Variants in SNTG2 observed in about 807,000 individuals in gnomAD.
The protein encoded by SNTG2 is gamma-2-syntrophin.
SNTG2 carries 74 observed loss-of-function variants against 70.9 expected under a neutral mutation model. The observed-to-expected ratio is 1.04, with a 90% CI of 0.86 to 1.27. The LOEUF (loss-of-function observed/expected upper bound fraction) is 1.27. Among genes scored for constraint, SNTG2 ranks in the 50% most tolerant of loss-of-function variants. SNTG2 has a pLI of 0.00. For synonymous variants in SNTG2, 278 were observed against 273.8 expected (o/e 1.02, Z -0.15); for missense variants, 717 against 690.7 (o/e 1.04, Z -0.43).
At chr2:992,904 A>G (rs1259064422) in intron 1 of SNTG2, among the ~76,000 whole-genome samples, 1 of 151,628 alleles carries the variant, frequency 6.6e-6, no homozygotes, top group African/African-American at 2.4e-5. Flanking sequence ...CAATTTAAGA[A>G]CTCTTTAGCA....
chr2:1,041,134 C>T (rs557331030), intron 1 of SNTG2, among the ~76,000 whole-genome samples: 3 of 152,254 alleles, frequency 2.0e-5, no homozygotes, highest in South Asian at 2.1e-4. Flanking sequence ...CTTTCTAGGG[C>T]GAATTCTCAC....
At chr2:1,233,885 G>A (rs1032888265) in intron 9 of SNTG2, among the ~76,000 whole-genome samples, 4 of 152,046 alleles carry the variant, frequency 2.6e-5, no homozygotes, top group Admixed American at 6.5e-5. Context: ...TCTGGGAGCT[G>A]GTTTGGTTTC....
At chr2:1,333,555 A>T (rs1339229987) in intron 16 of SNTG2, among the ~76,000 whole-genome samples, 3 of 152,210 alleles carry the variant, frequency 2.0e-5, no homozygotes, top group Non-Finnish European at 4.4e-5. Flanking sequence ...AGAAGGCTAT[A>T]GTCACCAAAA....
In SNTG2 at chr2:1,149,217, G is replaced by GACACACACACAC. The variant is rs142450306; in HGVS notation, c.411+11409_411+11420dup. Among the ~76,000 whole-genome samples, 395 of 149,040 alleles carry GACACACACACAC rather than the reference G, an allele frequency of 2.7e-3. 8 individuals carry two copies. In the South Asian group the frequency reaches 0.04, roughly 15 times the overall value. On this transcript the variant is annotated intron_variant, in intron 6 of 16. Transcript: ENST00000308624. ...CGTGTGTGTGTGTGTGTGAGAGAGAGACACACACACACGGGGAGCAGTGAG... is the reference window on the plus strand; with the variant it reads ...CGTGTGTGTGTGTGTGTGAGAGAGAGACACACACACACACACACACACACGGGGAGCAGTGAG...
intron 1 of SNTG2, among the ~76,000 whole-genome samples, chr2:1,006,312 TAAAA>T (rs554375122): frequency 4.0e-5 from 6 of 150,640 alleles, no homozygotes; most frequent in Admixed American, 2.6e-4. Context: ...AAGGTATAAT[TAAAA>T]AAAAGAAAAA....
intron 1 of SNTG2, among the ~76,000 whole-genome samples, chr2:957,209 A>T (rs1660193505): frequency 1.3e-5 from 2 of 152,218 alleles, no homozygotes; most frequent in South Asian, 4.1e-4. Flanking sequence ...TCTTGAAAGA[A>T]ATCCAAGTCT....
chr2:1,102,869 C>T (rs560768379), intron 4 of SNTG2, among the ~76,000 whole-genome samples: 57 of 152,252 alleles, frequency 3.7e-4, no homozygotes, highest in Non-Finnish European at 7.6e-4. Flanking sequence ...CGAGTGGAGC[C>T]AGGCAGCCCA....
intron 8 of SNTG2, among the ~76,000 whole-genome samples, chr2:1,202,618 G>A (rs1284136008): frequency 1.3e-5 from 2 of 152,028 alleles, no homozygotes; most frequent in African/African-American, 4.8e-5. Flanking sequence ...TAATTAAAAG[G>A]TAAAAGTTGT....
chr2:1,170,411 C>T lies in SNTG2; in HGVS notation c.500-2681C>T, dbSNP rs556969775. Among the ~76,000 whole-genome samples the T allele has an allele frequency of 3.7e-4, 56 of 152,304 alleles. 1 individual carries two copies. In the South Asian group the frequency reaches 5.2e-3, roughly 14 times the overall value. On this transcript the variant is annotated intron_variant, in intron 7 of 16. Transcript: ENST00000308624. The stretch of plus-strand genomic sequence containing the variant: ...TCTCCCCACCCCAGCCCTCGGCAGC[C>T]GGGAATTTCCTTCCTGTCTCTTTGT...
At chr2:982,419 A>T (rs945038705) in intron 1 of SNTG2, among the ~76,000 whole-genome samples, 1 of 152,220 alleles carries the variant, frequency 6.6e-6, no homozygotes, top group African/African-American at 2.4e-5. Flanking sequence ...GGACACGGGC[A>T]TGTCCCAGCC....
rs1664602848 is a variant in SNTG2, at chr2:1,085,182, G to A, written c.210+1527G>A. Among the ~76,000 whole-genome samples, 4 of 152,032 alleles carry A rather than the reference G, an allele frequency of 2.6e-5. No homozygotes were observed. The South Asian group carries it at 6.2e-4, about 24-fold the overall frequency. On this transcript the variant is annotated intron_variant, in intron 2 of 16. Transcript: ENST00000308624. ...TGTTCTAAATACCTAATAAGAGTGG[G>A]CTTGAGCAAAGAAAAAAATCAAGGA...
At chr2:1,360,471 G>A (rs1436330576) in intron 16 of SNTG2, among the ~76,000 whole-genome samples, 2 of 152,126 alleles carry the variant, frequency 1.3e-5, no homozygotes, top group African/African-American at 4.8e-5. Flanking sequence ...GGTATAGGGT[G>A]GAAGTTCAAA....
At chr2:1,135,019 T>G (rs1668286101) in intron 4 of SNTG2, among the ~76,000 whole-genome samples, 1 of 152,160 alleles carries the variant, frequency 6.6e-6, no homozygotes. Flanking sequence ...CGTCATCTCA[T>G]TAAACCCCAG....
In SNTG2 at chr2:1,097,448, CT is replaced by C. The variant is rs1489512305; in HGVS notation, c.211-745del. Among the ~76,000 whole-genome samples the C allele has an allele frequency of 6.6e-6, 1 of 152,164 alleles. No individual in the cohort carries two copies. The highest frequency in any genetic ancestry group is 1.5e-5 in the Non-Finnish European group (1 of 68,038). On this transcript the variant is annotated intron_variant, in intron 2 of 16. Coordinates refer to ENST00000308624, the MANE Select transcript of SNTG2 (RefSeq NM_018968.4). The surrounding 1 kb of genome is among the most constrained non-coding windows in gnomAD (Gnocchi z 4.1). ...AGTGTATTTTTGAGGTAAAAGCACC[CT>C]TTGGCCACTGTCCGTCTACCCCAGG...
chr2:1,315,118 G>A lies in SNTG2; in HGVS notation c.1378-1147G>A, dbSNP rs1036290994. On this transcript the variant is annotated intron_variant, in intron 15 of 16. Coordinates refer to ENST00000308624, the MANE Select transcript of SNTG2 (RefSeq NM_018968.4). ...CCTGATGCCCAAAGTCTGTCCAGGTGGGTGTGGGCTCAGTTTCCTCACTGT... is the reference window on the plus strand; with the variant it reads ...CCTGATGCCCAAAGTCTGTCCAGGTAGGTGTGGGCTCAGTTTCCTCACTGT... 2.0e-5 allele frequency among the ~76,000 whole-genome samples: 3 copies of A among 152,310 alleles called. No homozygotes were observed. In the East Asian group the frequency reaches 5.8e-4, roughly 29 times the overall value.
At chr2:1,075,503 T>C (rs996225108) in intron 1 of SNTG2, among the ~76,000 whole-genome samples, 4 of 152,248 alleles carry the variant, frequency 2.6e-5, no homozygotes, top group African/African-American at 4.8e-5. Context: ...CATTGTTCAC[T>C]GAAAGAAAAT....
intron 1 of SNTG2, among the ~76,000 whole-genome samples, chr2:1,066,717 A>ATT (rs199526680): frequency 6.6e-6 from 1 of 151,538 alleles, no homozygotes; most frequent in African/African-American, 2.4e-5. Flanking sequence ...CAAAACGACG[A>ATT]TTTTTTTTTA....
intron 14 of SNTG2, among the ~76,000 whole-genome samples, chr2:1,286,115 C>T (rs190991960): frequency 2.0e-4 from 30 of 152,250 alleles, no homozygotes; most frequent in African/African-American, 6.5e-4. Context: ...TGGAATTGTC[C>T]TTGTGTTTCC....
intron 14 of SNTG2, among the ~76,000 whole-genome samples, chr2:1,306,736 G>T (rs941873426): frequency 1.4e-4 from 21 of 151,178 alleles, no homozygotes; most frequent in African/African-American, 3.9e-4. Flanking sequence ...CGTGCGCTGT[G>T]TGAGCCACAC....
Sources: gnomAD v4.1 joint callset for allele counts (sites outside exome capture counted in the v4.1 genomes callset) on GRCh38, gnomAD v4.1.1 for gene constraint, Gnocchi (gnomAD v3.1) non-coding constraint, MANE v1.5 for transcripts, NCBI Gene and HGNC (gene_info 2026-07-23, HGNC 2026-07-21) for gene names.